The following FARP2 variants were observed in gnomAD, a reference collection of about 807,000 sequenced individuals.
FARP2 encodes FERM, ARH/RhoGEF and pleckstrin domain protein 2, also known as FERM, ARHGEF and pleckstrin domain-containing protein 2.
FARP2 carries 111 observed loss-of-function variants against 130.5 expected under a neutral mutation model. That is an observed-to-expected ratio of 0.85 (90% CI 0.73 to 1.00). FARP2 has a LOEUF of 1.00. FARP2 is among the 50% of genes least tolerant of loss of function. The pLI, the probability that FARP2 is intolerant of heterozygous loss-of-function variation, is 0.00. For missense variants in FARP2, 1,385 were observed against 1,346.3 expected, an observed-to-expected ratio of 1.03 and a Z score of -0.45; for synonymous variants, 504 against 516.9, an observed-to-expected ratio of 0.98 and a Z score of 0.34.
intron 5 of FARP2, among the ~76,000 whole-genome samples, chr2:241,408,342 A>C (rs1019063766): frequency 7.2e-5 from 11 of 152,000 alleles, no homozygotes; most frequent in African/African-American, 1.9e-4. Context: ...ACTGCACTCT[A>C]GCCTGGGTGA....
At chr2:241,434,458 T>G (rs1407118384) in intron 10 of FARP2, 137 bp downstream of exon 10, 1 of 641,166 alleles carries the variant, frequency 1.6e-6, no homozygotes, top group African/African-American at 1.9e-5. Context: ...TGTGAAAGAA[T>G]AACTAGAGGA....
At chr2:241,418,658 A>G (rs902645563) in intron 8 of FARP2, among the ~76,000 whole-genome samples, 11 of 152,232 alleles carry the variant, frequency 7.2e-5, no homozygotes, top group Admixed American at 3.3e-4. Context: ...GTTGTGATGC[A>G]TAGGTAAATA....
chr2:241,403,768 A>G (rs1208581408), intron 2 of FARP2, 60 bp from the exon 3 acceptor site: 1 of 1,049,188 alleles, frequency 9.5e-7, no homozygotes, highest in East Asian at 2.5e-5. Context: ...CACAGTTTTC[A>G]TAAACCCTTG....
At chr2:241,384,841 TAC>T (rs974361136) in intron 2 of FARP2, among the ~76,000 whole-genome samples, 27 of 152,224 alleles carry the variant, frequency 1.8e-4, no homozygotes, top group African/African-American at 6.5e-4. Context: ...ATGCTAAAAA[TAC>T]ACAGTGAGCT....
intron 16 of FARP2, 169 bp from the exon 17 acceptor site, chr2:241,463,730 A>G: frequency 1.5e-6 from 1 of 687,470 alleles, no homozygotes; most frequent in Non-Finnish European, 2.5e-6. Context: ...GGCCAGACAC[A>G]TAATAGCAGC....
At chr2:241,403,592 T>C (rs146685567) in intron 2 of FARP2, among the ~76,000 whole-genome samples, 135 of 152,348 alleles carry the variant, frequency 8.9e-4, no homozygotes, top group African/African-American at 3.0e-3. Flanking sequence ...GAAATAGGAC[T>C]GAAAACACAC....
intron 19 of FARP2, chr2:241,479,057 G>A (rs2064548246): frequency 1.9e-6 from 1 of 532,716 alleles, no homozygotes; most frequent in South Asian, 2.7e-5. Flanking sequence ...GAACTACCAT[G>A]TCCAGGAAGC....
intron 9 of FARP2, chr2:241,432,104 A>T (rs1559763358): frequency 6.4e-6 from 1 of 156,170 alleles, no homozygotes; most frequent in South Asian, 2.0e-4. Context: ...ACAGGCTCAC[A>T]AAGTGCTGGG....
At chr2:241,448,940 G>A (rs559505089) in intron 13 of FARP2, among the ~76,000 whole-genome samples, 2 of 152,240 alleles carry the variant, frequency 1.3e-5, no homozygotes, top group Admixed American at 1.3e-4. Context: ...TGCCGGGTAG[G>A]GAGGTGAGCT....
intron 7 of FARP2, among the ~76,000 whole-genome samples, chr2:241,415,999 G>C (rs879432944): frequency 0.037 from 3,548 of 96,954 alleles, 118 homozygotes; most frequent in African/African-American, 0.093. Flanking sequence ...CTGTGTGTGT[G>C]TGTGTGTGTG....
At chr2:241,487,339 T>C (rs1257179257) in intron 21 of FARP2, among the ~76,000 whole-genome samples, 3 of 152,200 alleles carry the variant, frequency 2.0e-5, no homozygotes, top group Non-Finnish European at 4.4e-5. Flanking sequence ...GGCTATGCCC[T>C]GATAAACCCA....
chr2:241,422,907 A>T (rs1270658852), intron 8 of FARP2, among the ~76,000 whole-genome samples: 1 of 152,170 alleles, frequency 6.6e-6, no homozygotes, highest in Non-Finnish European at 1.5e-5. Context: ...GCAGACAAGA[A>T]TAGAGAGAAA....
chr2:241,402,861 TA>T (rs1559734954), intron 2 of FARP2, among the ~76,000 whole-genome samples: 13 of 15,516 alleles, frequency 8.4e-4, no homozygotes, highest in Non-Finnish European at 1.0e-3. Context: ...TATATATATA[TA>T]TATATATATA....
At position 241,491,661 on chromosome 2, in the gene FARP2, C is replaced by T. The variant is rs753826865; in HGVS notation, c.2769C>T (p.Asp923=). Residue 923 remains aspartate, a synonymous_variant, in exon 24 of 27, where the codon GAC becomes GAT. Coordinates refer to ENST00000264042, the MANE Select transcript of FARP2 (RefSeq NM_014808.4). The stretch of plus-strand genomic sequence containing the variant: ...GGAACACCAGCGTGTCCAGGGCAGA[C>T]CACAGTGCAGCTGTCGAGGTACGAC... ...WYRNTSVSRA[D]HSAAVENQLS... is the part of the protein sequence containing the mutation. The T allele has an allele frequency of 3.1e-6, 5 of 1,608,164 alleles. No homozygotes were observed. Among genetic ancestry groups the T allele is most frequent in the Non-Finnish European group, 4.2e-6 (5 of 1,176,472 alleles).
At chr2:241,359,100 A>G (rs57462198) in intron 1 of FARP2, among the ~76,000 whole-genome samples, 1 of 152,296 alleles carries the variant, frequency 6.6e-6, no homozygotes, top group African/African-American at 2.4e-5. Flanking sequence ...TTAAAATGTG[A>G]CTTAACTGAA....
chr2:241,470,251 G>A (rs2064272893), intron 18 of FARP2, among the ~76,000 whole-genome samples: 1 of 152,248 alleles, frequency 6.6e-6, no homozygotes, highest in Non-Finnish European at 1.5e-5. Flanking sequence ...CCTTCATTTT[G>A]ATGAGAGTTT....
At chr2:241,380,249 T>G (rs1245654219) in intron 2 of FARP2, among the ~76,000 whole-genome samples, 1 of 152,226 alleles carries the variant, frequency 6.6e-6, no homozygotes, top group Non-Finnish European at 1.5e-5. Flanking sequence ...CTGGGTCACC[T>G]GGACTCGCAC....
At chr2:241,491,395 G>A (rs926298138) in intron 23 of FARP2, 121 bp from the exon 24 acceptor site, 8 of 1,123,188 alleles carry the variant, frequency 7.1e-6, no homozygotes, top group Non-Finnish European at 1.0e-5. Flanking sequence ...GCCAGCAGCT[G>A]GCCTAGCACC....
intron 7 of FARP2, 109 bp downstream of exon 7, chr2:241,413,530 A>G: frequency 1.3e-6 from 1 of 785,310 alleles, no homozygotes; most frequent in Non-Finnish European, 2.1e-6. Context: ...TAACATAAGG[A>G]CCATTGCTCC....
Sources: allele counts gnomAD v4.1 joint callset (sites outside exome capture counted in the v4.1 genomes callset), GRCh38; gene constraint gnomAD v4.1.1; transcripts MANE v1.5; gene names NCBI Gene and HGNC (gene_info 2026-07-23, HGNC 2026-07-21).